Variants in ADAM7 observed in about 807,000 individuals in gnomAD.
ADAM7 encodes ADAM metallopeptidase domain 7, also known as disintegrin and metalloproteinase domain-containing protein 7.
A neutral mutation model predicts 102.9 loss-of-function variants in ADAM7; 97 were observed. That is an observed-to-expected ratio of 0.94 (90% CI 0.80 to 1.12). ADAM7 has a LOEUF of 1.12. Ranked by LOEUF, ADAM7 falls within the 50% of genes most tolerant of loss-of-function variation. The pLI is 0.00. For missense variants in ADAM7, 991 were observed against 908.7 expected (o/e 1.09, Z -1.16); for synonymous variants, 334 against 304.4 (o/e 1.10, Z -1.01).
chr8:24,492,513 A>G lies in ADAM7; in HGVS notation c.1571A>G (p.Asp524Gly). ...LFDDEAIESH[D>G]ICYKMNTKGN... The stretch of plus-strand genomic sequence containing the variant: ...ACCCCAGAGGCAATAGAGAGTCATG[A>G]TATCTGCTACAAGATGAATACAAAA... The change falls in exon 15 of 22, where the codon GAT (aspartate) becomes GGT (glycine). Residue 524 changes from aspartate to glycine, a missense_variant. Coordinates refer to ENST00000175238, the MANE Select transcript of ADAM7 (RefSeq NM_003817.4). 3 of 1,610,834 alleles carry G rather than the reference A, an allele frequency of 1.9e-6. No homozygotes were observed. Among genetic ancestry groups the G allele is most frequent in the Admixed American group, 1.7e-5 (1 of 59,882 alleles).
chr8:24,456,044 T>A (rs1819021141), intron 3 of ADAM7, among the ~76,000 whole-genome samples: 2 of 152,162 alleles, frequency 1.3e-5, no homozygotes, highest in African/African-American at 4.8e-5. Context: ...CACCATGCGG[T>A]GCAACAGATC....
At chr8:24,468,676 C>A in intron 6 of ADAM7, 91 bp from the exon 7 acceptor site, 1 of 1,130,786 alleles carries the variant, frequency 8.8e-7, no homozygotes, top group African/African-American at 1.5e-5. Flanking sequence ...ACATTTCTTA[C>A]CTTGAAAATA....
chr8:24,463,149 A>G (rs180978776), intron 3 of ADAM7, among the ~76,000 whole-genome samples: 1 of 152,290 alleles, frequency 6.6e-6, no homozygotes, highest in Admixed American at 6.5e-5. Flanking sequence ...TGTGAAATAC[A>G]CCTTATGAAG....
chr8:24,506,289 A>ACC, intron 20 of ADAM7: 1 of 720,098 alleles, frequency 1.4e-6, no homozygotes, highest in Non-Finnish European at 2.3e-6. Flanking sequence ...GATCGGAGGT[A>ACC]GAAATGGGAC....
At chr8:24,465,055 G>A (rs1029254465) in intron 4 of ADAM7, among the ~76,000 whole-genome samples, 1 of 152,234 alleles carries the variant, frequency 6.6e-6, no homozygotes, top group African/African-American at 2.4e-5. Flanking sequence ...AAAGTGCTGA[G>A]ATGACAGGCG....
intron 12 of ADAM7, chr8:24,490,254 T>G (rs1585910663): frequency 6.6e-6 from 1 of 152,636 alleles, no homozygotes; most frequent in African/African-American, 2.4e-5. Flanking sequence ...CCTGTCCATA[T>G]GCATTCTTTG....
intron 20 of ADAM7, among the ~76,000 whole-genome samples, chr8:24,502,808 C>T (rs969340935): frequency 6.6e-6 from 1 of 152,044 alleles, no homozygotes; most frequent in Non-Finnish European, 1.5e-5. Context: ...GAATGCATAA[C>T]ACTAATTCTA....
At chr8:24,441,901 T>C (rs549604889) in intron 1 of ADAM7, among the ~76,000 whole-genome samples, 66 of 152,228 alleles carry the variant, frequency 4.3e-4, no homozygotes, top group African/African-American at 1.5e-3. Context: ...AGGCCAGACA[T>C]GGTGGCTCAT....
intron 3 of ADAM7, among the ~76,000 whole-genome samples, chr8:24,449,777 C>T (rs1036596882): frequency 3.5e-4 from 53 of 152,146 alleles, no homozygotes; most frequent in Non-Finnish European, 4.3e-4. Context: ...GTTTTTATGG[C>T]TTTAGGTCTA....
intron 3 of ADAM7, among the ~76,000 whole-genome samples, chr8:24,457,500 T>G (rs1819079518): frequency 6.6e-6 from 1 of 152,132 alleles, no homozygotes; most frequent in African/African-American, 2.4e-5. Flanking sequence ...GGTCTTGAAC[T>G]CCTAAGCTCA....
At chr8:24,484,457 A>G (rs1820064613) in intron 9 of ADAM7, among the ~76,000 whole-genome samples, 1 of 152,184 alleles carries the variant, frequency 6.6e-6, no homozygotes, top group Non-Finnish European at 1.5e-5. Flanking sequence ...TGTCTTTTCA[A>G]GTAATCCAAG....
At chr8:24,446,559 G>A (rs1036811784) in intron 2 of ADAM7, among the ~76,000 whole-genome samples, 4 of 151,848 alleles carry the variant, frequency 2.6e-5, no homozygotes, top group Admixed American at 1.3e-4. Flanking sequence ...ATTTCTCATA[G>A]TAAATATAGA....
intron 18 of ADAM7, among the ~76,000 whole-genome samples, 197 bp downstream of exon 18, chr8:24,500,453 A>G (rs1219840266): frequency 3.9e-5 from 6 of 152,180 alleles, no homozygotes; most frequent in Admixed American, 3.9e-4. Flanking sequence ...CAGCCAATGT[A>G]GTCTCTTCTA....
At chr8:24,486,574 G>A (rs116382353) in intron 10 of ADAM7, among the ~76,000 whole-genome samples, 3 of 152,012 alleles carry the variant, frequency 2.0e-5, no homozygotes, top group African/African-American at 4.8e-5. Context: ...AAATGAATGG[G>A]TAAGAAACAA....
chr8:24,463,977 T>A lies in ADAM7; in HGVS notation c.312+17T>A. 1 of 1,595,790 alleles carries A rather than the reference T, an allele frequency of 6.3e-7. No homozygotes were observed. The highest frequency in any genetic ancestry group is 8.6e-7 in the Non-Finnish European group (1 of 1,163,884). ...CAGATCATGGTATCTTATGGAACTTTACTGTGTCTCTTCTCTAAAAGCAGT... is the reference window on the plus strand; with the variant it reads ...CAGATCATGGTATCTTATGGAACTTAACTGTGTCTCTTCTCTAAAAGCAGT... On this transcript the variant is annotated intron_variant, in intron 4 of 21. Transcript: ENST00000175238.
chr8:24,476,870 G>C (rs1819784803), intron 8 of ADAM7, among the ~76,000 whole-genome samples: 1 of 152,092 alleles, frequency 6.6e-6, no homozygotes, highest in Admixed American at 6.6e-5. Flanking sequence ...GTTGTCCATG[G>C]TTTGGCATAG....
In ADAM7 at chr8:24,489,159, C is replaced by A; in HGVS notation, c.1092C>A (p.Ser364Arg). The A allele has an allele frequency of 6.2e-7, 1 of 1,607,064 alleles. No homozygotes were observed. The highest frequency in any genetic ancestry group is 8.5e-7 in the Non-Finnish European group (1 of 1,176,810). Reference sequence around the variant, plus strand: ...TATTTTTACCTCATTCTATCTCTAGCATTCCTGCACTGAAATTCAGTAAAT... The same window carrying A: ...TATTTTTACCTCATTCTATCTCTAGAATTCCTGCACTGAAATTCAGTAAAT... ...SGKCVMDSDGSIPALKFSKCS... is the reference protein window; with the variant it reads ...SGKCVMDSDGRIPALKFSKCS... Residue 364 changes from serine to arginine, a missense_variant and splice_region_variant, in exon 12 of 22, where the codon AGC becomes AGA. By Grantham distance (110) the Ser-to-Arg change is moderately radical. Coordinates refer to ENST00000175238, the MANE Select transcript of ADAM7 (RefSeq NM_003817.4).
Position 24,485,298 on chromosome 8 carries a change from T to G in ADAM7, c.897T>G (p.His299Gln). 1 of 1,613,638 alleles carries G rather than the reference T, an allele frequency of 6.2e-7. No individual in the cohort carries two copies. Among genetic ancestry groups the G allele is most frequent in the Non-Finnish European group, 8.5e-7 (1 of 1,179,746 alleles). Residue 299 changes from histidine to glutamine, a missense_variant, in exon 10 of 22, where the codon CAT becomes CAG. Physicochemically the swap from His to Gln is conservative, Grantham distance 24. Transcript: ENST00000175238. ...VLLSGKWLYSHVQGISYPGGM... is the reference protein window; with the variant it reads ...VLLSGKWLYSQVQGISYPGGM... ...ATAGTGGGAAGTGGCTCTACTCACATGTGCAAGGAATTTCTTATCCAGGGG... is the reference window on the plus strand; with the variant it reads ...ATAGTGGGAAGTGGCTCTACTCACAGGTGCAAGGAATTTCTTATCCAGGGG...
chr8:24,479,626 C>A (rs6557749), intron 8 of ADAM7, among the ~76,000 whole-genome samples: 1 of 151,822 alleles, frequency 6.6e-6, no homozygotes. Context: ...CCATGGAGAT[C>A]AATCTGTGTG....
Sources: gnomAD v4.1 joint callset for allele counts (sites outside exome capture counted in the v4.1 genomes callset) on GRCh38, gnomAD v4.1.1 for gene constraint, MANE v1.5 for transcripts, NCBI Gene and HGNC (gene_info 2026-07-23, HGNC 2026-07-21) for gene names.